The following RPH3A variants were observed in gnomAD, a reference collection of about 807,000 sequenced individuals.
The protein encoded by RPH3A is rabphilin 3A, also known as rabphilin-3A.
In RPH3A, 48 loss-of-function variants were observed where a neutral mutation model predicts 102.2. That is an observed-to-expected ratio of 0.47 (90% CI 0.37 to 0.60). The LOEUF (loss-of-function observed/expected upper bound fraction) is 0.60, where lower values mean the gene tolerates loss of function less well. RPH3A is among the 20% of genes least tolerant of loss of function. The pLI is 0.00. For missense variants in RPH3A, 781 were observed against 910.1 expected (o/e 0.86, Z 1.83); for synonymous variants, 310 against 324.3 (o/e 0.96, Z 0.47).
intron 5 of RPH3A, among the ~76,000 whole-genome samples, chr12:112,850,305 G>A (rs1239030157): frequency 2.0e-5 from 3 of 151,952 alleles, no homozygotes; most frequent in Admixed American, 6.6e-5. Context: ...ATAAATAATG[G>A]CAATTATTTA....
intron 3 of RPH3A, among the ~76,000 whole-genome samples, chr12:112,830,347 C>CT (rs981042134): frequency 8.6e-5 from 13 of 151,908 alleles, no homozygotes; most frequent in Non-Finnish European, 5.9e-5. Flanking sequence ...TAATTTATTA[C>CT]TTTTTTTGTT....
chr12:112,756,757 A>C (rs1011946601), intron 1 of RPH3A, among the ~76,000 whole-genome samples: 1 of 152,224 alleles, frequency 6.6e-6, no homozygotes, highest in Non-Finnish European at 1.5e-5. Context: ...CTTTAGGATA[A>C]ATTCCCAGAA....
intron 5 of RPH3A, among the ~76,000 whole-genome samples, chr12:112,860,277 G>A (rs551688531): frequency 1.3e-5 from 2 of 152,182 alleles, no homozygotes; most frequent in Admixed American, 6.5e-5. Flanking sequence ...GAAGATCTGC[G>A]TGTCCCCACC....
intron 5 of RPH3A, among the ~76,000 whole-genome samples, chr12:112,863,886 G>C (rs1194399115): frequency 6.6e-6 from 1 of 152,204 alleles, no homozygotes; most frequent in Non-Finnish European, 1.5e-5. Flanking sequence ...TTCATTCATT[G>C]ATTTAACTAG....
chr12:112,822,375 G>T (rs1003034250), intron 2 of RPH3A, among the ~76,000 whole-genome samples: 2 of 152,190 alleles, frequency 1.3e-5, no homozygotes, highest in African/African-American at 4.8e-5. Context: ...GCCCAGCCCC[G>T]CTGGGTCACG....
intron 16 of RPH3A, among the ~76,000 whole-genome samples, chr12:112,885,479 G>C (rs142097776): frequency 2.0e-5 from 3 of 152,116 alleles, no homozygotes; most frequent in Non-Finnish European, 4.4e-5. Context: ...ACATTTTGTG[G>C]TTATTTCATA....
intron 13 of RPH3A, among the ~76,000 whole-genome samples, chr12:112,878,352 G>A (rs563925580): frequency 2.6e-5 from 4 of 152,120 alleles, no homozygotes; most frequent in East Asian, 1.9e-4. Flanking sequence ...AACTTATCCC[G>A]GCTGTTTATT....
intron 1 of RPH3A, among the ~76,000 whole-genome samples, chr12:112,668,019 G>C (rs1030770571): frequency 2.0e-5 from 3 of 152,176 alleles, no homozygotes; most frequent in Admixed American, 6.5e-5. Context: ...CCTCCAGGAA[G>C]TCTTCTCTGA....
chr12:112,743,024 C>T (rs1330540137), intron 1 of RPH3A, among the ~76,000 whole-genome samples: 5 of 152,162 alleles, frequency 3.3e-5, no homozygotes, highest in East Asian at 3.9e-4. Flanking sequence ...TCTGCCATCC[C>T]GTGTCCTACT....
At chr12:112,740,853 C>T (rs979383299) in intron 1 of RPH3A, among the ~76,000 whole-genome samples, 1 of 152,192 alleles carries the variant, frequency 6.6e-6, no homozygotes, top group Non-Finnish European at 1.5e-5. Context: ...TGGGATGTCT[C>T]CTGTTCCTCC....
chr12:112,760,907 C>T (rs1565872612), intron 1 of RPH3A, among the ~76,000 whole-genome samples: 1 of 152,192 alleles, frequency 6.6e-6, no homozygotes, highest in Non-Finnish European at 1.5e-5. Context: ...CACTGCATTC[C>T]TTTCAACACA....
At position 112,897,917 on chromosome 12, in the gene RPH3A, G is replaced by GA. The variant is rs1041067807; in HGVS notation, c.*1139dup. ...AGAAGACCAGGGCCATGGGTCTGAG[G>GA]AAGCCTCAGCCAAAGCCTCCAGCCT... On this transcript the variant is annotated 3_prime_UTR_variant, in exon 22 of 22. Transcript: ENST00000389385. The GA allele has an allele frequency of 2.0e-5, 3 of 152,312 alleles. No homozygotes were observed. Among genetic ancestry groups the GA allele is most frequent in the Admixed American group, 1.3e-4 (2 of 15,278 alleles). 9.4% of individuals were successfully genotyped at this position (152,312 alleles called of 1,614,324 possible). A position where few individuals can be genotyped will look rare whatever the true frequency, so the allele number is the denominator to read the frequency against.
At chr12:112,645,803 T>C (rs2039925419) in intron 1 of RPH3A, among the ~76,000 whole-genome samples, 1 of 152,162 alleles carries the variant, frequency 6.6e-6, no homozygotes, top group Admixed American at 6.5e-5. Context: ...AATCAATTTG[T>C]CAATGTGAGT....
intron 1 of RPH3A, among the ~76,000 whole-genome samples, chr12:112,703,691 G>A (rs1018702520): frequency 1.3e-5 from 2 of 152,180 alleles, no homozygotes; most frequent in South Asian, 4.1e-4. Context: ...TGGGAATACA[G>A]TTTCTTTATC....
At chr12:112,731,884 T>G (rs1047720658) in intron 1 of RPH3A, among the ~76,000 whole-genome samples, 1 of 152,212 alleles carries the variant, frequency 6.6e-6, no homozygotes, top group African/African-American at 2.4e-5. Flanking sequence ...CCCAGTGAGA[T>G]GCCCCACCTC....
At chr12:112,765,836 C>G (rs2040884816) in intron 1 of RPH3A, among the ~76,000 whole-genome samples, 1 of 152,172 alleles carries the variant, frequency 6.6e-6, no homozygotes, top group Non-Finnish European at 1.5e-5. Context: ...CTCCAAGGAG[C>G]AGCGGCCCAT....
chr12:112,855,204 G>A (rs965438631), intron 5 of RPH3A, among the ~76,000 whole-genome samples: 12 of 152,202 alleles, frequency 7.9e-5, no homozygotes, highest in African/African-American at 2.9e-4. Flanking sequence ...ACTTGGGCAA[G>A]TGAGTTCCCA....
intron 1 of RPH3A, among the ~76,000 whole-genome samples, chr12:112,776,418 T>C (rs529054623): frequency 9.2e-4 from 140 of 152,268 alleles, no homozygotes; most frequent in Non-Finnish European, 1.7e-3. Flanking sequence ...CTCAGCTTGA[T>C]GATAGGTTGG....
At chr12:112,820,321 T>G (rs754592447) in intron 2 of RPH3A, among the ~76,000 whole-genome samples, 1 of 152,260 alleles carries the variant, frequency 6.6e-6, no homozygotes, top group Non-Finnish European at 1.5e-5. Context: ...GAGCACATAC[T>G]ATGTTCCAAG....
Sources: gnomAD v4.1 joint callset for allele counts (sites outside exome capture counted in the v4.1 genomes callset) on GRCh38, gnomAD v4.1.1 for gene constraint, MANE v1.5 for transcripts, NCBI Gene and HGNC (gene_info 2026-07-23, HGNC 2026-07-21) for gene names.